EYS: variants seen among roughly 807,000 people sequenced by gnomAD.
The protein encoded by EYS is EGF-like photoreceptor maintenance factor.
In EYS, 250 loss-of-function variants were observed where a neutral mutation model predicts 282.1. The ratio of observed to expected loss-of-function variants is 0.89; its 90% CI spans 0.80 to 0.98. EYS has a LOEUF of 0.98. Ranked by LOEUF, EYS falls within the 50% of genes least tolerant of loss-of-function variation. EYS has a pLI of 0.00. For missense variants in EYS, 4,016 were observed against 3,709.0 expected (o/e 1.08, Z -2.15); for synonymous variants, 1,355 against 1,282.9 (o/e 1.06, Z -1.20).
At position 64,388,679 on chromosome 6, in the gene EYS, T is replaced by C. The variant is rs1460741428; in HGVS notation, c.6078+11A>G. 3.3e-6 allele frequency: 5 copies of C among 1,507,402 alleles called. No homozygotes were observed. In the East Asian group the frequency reaches 1.0e-4, roughly 30 times the overall value. The allele number at this position is 1,507,402 out of a possible 1,614,324, so 93.4% of individuals were successfully genotyped here. On this transcript the variant is annotated intron_variant, in intron 29 of 42. Transcript: ENST00000503581. The stretch of plus-strand genomic sequence containing the variant: ...TCAATAATTAATATTTTAAAACATC[T>C]ATAGAAATACCTGGATTTTCCCATG...
At chr6:65,158,862 C>A (rs906121394) in intron 12 of EYS, among the ~76,000 whole-genome samples, 1 of 150,896 alleles carries the variant, frequency 6.6e-6, no homozygotes, top group Non-Finnish European at 1.5e-5. Context: ...ATTTGCACTG[C>A]GGAATCATTT....
At chr6:64,786,871 G>A (rs970352290) in intron 22 of EYS, among the ~76,000 whole-genome samples, 3 of 152,180 alleles carry the variant, frequency 2.0e-5, no homozygotes, top group African/African-American at 4.8e-5. Flanking sequence ...CTGGCACTCA[G>A]CTTTCTCTGA....
intron 1 of EYS, among the ~76,000 whole-genome samples, chr6:65,657,910 T>C (rs1373068949): frequency 1.3e-5 from 2 of 151,766 alleles, no homozygotes; most frequent in Non-Finnish European, 3.0e-5. Flanking sequence ...CCTTCCTTCA[T>C]CAGTCAGCAA....
At chr6:64,013,804 G>C (rs904337321) in intron 33 of EYS, among the ~76,000 whole-genome samples, 2 of 151,856 alleles carry the variant, frequency 1.3e-5, no homozygotes, top group African/African-American at 4.8e-5. Context: ...TTGCCATTTC[G>C]TTTGAGATTT....
At chr6:63,783,892 G>C (rs1349021448) in intron 39 of EYS, among the ~76,000 whole-genome samples, 1 of 151,974 alleles carries the variant, frequency 6.6e-6, no homozygotes, top group Non-Finnish European at 1.5e-5. Context: ...GTGTGTGTGT[G>C]TGTTAGGATG....
At chr6:65,042,966 G>A (rs886698747) in intron 13 of EYS, among the ~76,000 whole-genome samples, 2 of 151,402 alleles carry the variant, frequency 1.3e-5, no homozygotes, top group African/African-American at 4.8e-5. Context: ...ATGTAAACGT[G>A]AATGTGTATT....
intron 22 of EYS, among the ~76,000 whole-genome samples, chr6:64,804,829 G>A (rs1375984001): frequency 2.6e-5 from 4 of 151,996 alleles, no homozygotes; most frequent in African/African-American, 9.7e-5. Flanking sequence ...TGTGATTGGA[G>A]ACTAAAACTA....
intron 12 of EYS, among the ~76,000 whole-genome samples, chr6:65,230,829 T>C (rs1322549305): frequency 6.6e-6 from 1 of 151,644 alleles, no homozygotes; most frequent in Non-Finnish European, 1.5e-5. Context: ...AAAGCTATCA[T>C]TGTTTTGGGA....
chr6:65,606,726 C>T (rs576067595), intron 2 of EYS, among the ~76,000 whole-genome samples: 1 of 151,868 alleles, frequency 6.6e-6, no homozygotes, highest in South Asian at 2.1e-4. Flanking sequence ...AAGTTATTGA[C>T]TCAAAATTTT....
At chr6:64,352,044 A>T (rs1175485575) in intron 29 of EYS, among the ~76,000 whole-genome samples, 1 of 151,500 alleles carries the variant, frequency 6.6e-6, no homozygotes, top group Non-Finnish European at 1.5e-5. Context: ...GCTGTAGCTG[A>T]ATACCTCCTA....
chr6:64,272,696 T>C (rs1767983115), intron 30 of EYS, among the ~76,000 whole-genome samples: 1 of 152,156 alleles, frequency 6.6e-6, no homozygotes, highest in Non-Finnish European at 1.5e-5. Flanking sequence ...GTATTAAATA[T>C]ATATGTAATC....
At chr6:64,389,808 C>G (rs1271734788) in intron 28 of EYS, among the ~76,000 whole-genome samples, 2 of 152,132 alleles carry the variant, frequency 1.3e-5, no homozygotes, top group Non-Finnish European at 2.9e-5. Flanking sequence ...TCTACAGCTC[C>G]CAGCGTGAGC....
At chr6:64,901,294 G>GTATATATATATATATATATATATATATA (rs70999177) in intron 18 of EYS, among the ~76,000 whole-genome samples, 7 of 127,716 alleles carry the variant, frequency 5.5e-5, no homozygotes, top group South Asian at 2.5e-4. Flanking sequence ...ATGTAGTTGA[G>GTATATATATATATATATATATATATATA]TATATATATA....
chr6:64,959,522 A>T (rs1769841134), intron 14 of EYS, among the ~76,000 whole-genome samples: 1 of 152,198 alleles, frequency 6.6e-6, no homozygotes, highest in Non-Finnish European at 1.5e-5. Context: ...GTGAATGGAG[A>T]CATGGGTAAA....
chr6:63,752,822 G>T (rs1347469164), intron 41 of EYS, among the ~76,000 whole-genome samples: 2 of 151,870 alleles, frequency 1.3e-5, no homozygotes, highest in South Asian at 2.1e-4. Context: ...ATTGAAGTTT[G>T]CTCAATACAT....
intron 31 of EYS, among the ~76,000 whole-genome samples, chr6:64,125,764 C>T (rs139102394): frequency 0.038 from 4,776 of 127,268 alleles, 250 homozygotes; most frequent in African/African-American, 0.13. Flanking sequence ...CCAGCCTGGG[C>T]GACAGAGCAA....
intron 15 of EYS, 52 bp downstream of exon 15, chr6:64,945,741 C>A (rs1451431345): frequency 3.3e-6 from 5 of 1,508,146 alleles, no homozygotes; most frequent in Non-Finnish European, 4.5e-6. Flanking sequence ...ATCCCAAGGA[C>A]ACTGAGCACT....
At chr6:64,593,805 T>C (rs910962509) in intron 24 of EYS, among the ~76,000 whole-genome samples, 1 of 152,154 alleles carries the variant, frequency 6.6e-6, no homozygotes, top group African/African-American at 2.4e-5. Context: ...CTTTATGTGT[T>C]TTAGTTTGAC....
At chr6:65,382,326 G>A (rs1765644628) in intron 8 of EYS, among the ~76,000 whole-genome samples, 1 of 150,896 alleles carries the variant, frequency 6.6e-6, no homozygotes, top group Non-Finnish European at 1.5e-5. Flanking sequence ...TTTGACGTAG[G>A]GGATATGGAC....
Sources: gnomAD v4.1 joint callset for allele counts (sites outside exome capture counted in the v4.1 genomes callset) on GRCh38, gnomAD v4.1.1 for gene constraint, MANE v1.5 for transcripts, NCBI Gene and HGNC (gene_info 2026-07-23, HGNC 2026-07-21) for gene names.